ERICH6B: variants seen among roughly 807,000 people sequenced by gnomAD.
The protein encoded by ERICH6B is glutamate-rich protein 6B.
A neutral mutation model predicts 80.0 loss-of-function variants in ERICH6B; 69 were observed. The ratio of observed to expected loss-of-function variants is 0.86; its 90% CI spans 0.71 to 1.05. ERICH6B has a LOEUF of 1.05. ERICH6B is among the 50% of genes least tolerant of loss of function. ERICH6B has a pLI of 0.00. For missense variants in ERICH6B, 754 were observed against 796.1 expected, an observed-to-expected ratio of 0.95 and a Z score of 0.64; for synonymous variants, 283 against 291.9, an observed-to-expected ratio of 0.97 and a Z score of 0.31.
chr13:45,575,691 A>G (rs1485408248), intron 7 of ERICH6B, among the ~76,000 whole-genome samples: 1 of 152,142 alleles, frequency 6.6e-6, no homozygotes, highest in Non-Finnish European at 1.5e-5. Flanking sequence ...AGTGAGTTGG[A>G]TGGAGAATGT....
intron 2 of ERICH6B, 132 bp from the exon 3 acceptor site, chr13:45,597,195 G>C (rs1876435623): frequency 1.3e-5 from 8 of 604,766 alleles, no homozygotes; most frequent in Non-Finnish European, 1.9e-5. Flanking sequence ...TCAGTACATA[G>C]AGGCCAGTGA....
chr13:45,584,668 G>A (rs763189198), intron 5 of ERICH6B, among the ~76,000 whole-genome samples: 1 of 152,184 alleles, frequency 6.6e-6, no homozygotes, highest in African/African-American at 2.4e-5. Flanking sequence ...TGGTGACAGG[G>A]ACACCCAGTT....
intron 13 of ERICH6B, among the ~76,000 whole-genome samples, chr13:45,546,466 T>C (rs887748520): frequency 6.6e-6 from 1 of 152,206 alleles, no homozygotes; most frequent in Non-Finnish European, 1.5e-5. Context: ...TCTAGAAATA[T>C]CTATTCACTG....
chr13:45,544,650 T>C, intron 14 of ERICH6B, 110 bp downstream of exon 14: 1 of 861,026 alleles, frequency 1.2e-6, no homozygotes, highest in East Asian at 2.7e-5. Context: ...CGGGTTGGCA[T>C]ATATAGAACA....
chr13:45,597,277 G>A (rs1876438613), intron 2 of ERICH6B, among the ~76,000 whole-genome samples: 1 of 152,164 alleles, frequency 6.6e-6, no homozygotes, highest in African/African-American at 2.4e-5. Context: ...CTAAAGACCA[G>A]GCCTTTGAAA....
intron 3 of ERICH6B, among the ~76,000 whole-genome samples, chr13:45,593,018 A>G (rs941017188): frequency 6.6e-6 from 1 of 152,212 alleles, no homozygotes; most frequent in Non-Finnish European, 1.5e-5. Flanking sequence ...ACACCACAGC[A>G]CTCACACCCA....
chr13:45,613,684 A>C (rs1188929067), intron 1 of ERICH6B, among the ~76,000 whole-genome samples: 1 of 152,272 alleles, frequency 6.6e-6, no homozygotes, highest in East Asian at 1.9e-4. Context: ...AGAAAGCATC[A>C]GTCTGAGAGG....
chr13:45,563,827 A>C, intron 9 of ERICH6B, 39 bp from the exon 10 acceptor site: 1 of 1,494,824 alleles, frequency 6.7e-7, no homozygotes. Flanking sequence ...GCCAAGACTA[A>C]GTTCACGCAT....
At chr13:45,584,734 C>A (rs962012618) in intron 5 of ERICH6B, among the ~76,000 whole-genome samples, 2 of 152,182 alleles carry the variant, frequency 1.3e-5, no homozygotes, top group Non-Finnish European at 1.5e-5. Flanking sequence ...CTGACTCCTG[C>A]GGGCCTCAGC....
chr13:45,605,274 A>G (rs1159286687), intron 2 of ERICH6B, among the ~76,000 whole-genome samples: 1 of 152,206 alleles, frequency 6.6e-6, no homozygotes, highest in Non-Finnish European at 1.5e-5. Flanking sequence ...TCTGCCCAGC[A>G]TCAATATCAC....
At chr13:45,593,326 G>A (rs945182707) in intron 3 of ERICH6B, among the ~76,000 whole-genome samples, 10 of 152,086 alleles carry the variant, frequency 6.6e-5, no homozygotes, top group Admixed American at 5.2e-4. Context: ...TCATCTTTTG[G>A]TTATGTCCAT....
chr13:45,585,219 C>A (rs1875850362), intron 5 of ERICH6B, among the ~76,000 whole-genome samples: 1 of 152,172 alleles, frequency 6.6e-6, no homozygotes, highest in Non-Finnish European at 1.5e-5. Context: ...CTCAGCAGGG[C>A]TCACAGGACC....
intron 11 of ERICH6B, among the ~76,000 whole-genome samples, chr13:45,559,835 G>T (rs1283309647): frequency 1.3e-5 from 2 of 152,186 alleles, no homozygotes; most frequent in African/African-American, 4.8e-5. Context: ...CTTGGAGAAA[G>T]TTCCATGCAC....
Position 45,563,093 on chromosome 13 carries a change from C to T in ERICH6B, c.1249+634G>A, listed in dbSNP as rs148595395. On this transcript the variant is annotated intron_variant, in intron 10 of 14. Coordinates refer to ENST00000298738, the MANE Select transcript of ERICH6B (RefSeq NM_182542.3). ...CACTGAAGCCTTCCATGATTAGATC[C>T]ATGAAGCTGGTAACTTCCATGATTT... 2.8e-4 allele frequency among the ~76,000 whole-genome samples: 42 copies of T among 152,270 alleles called. No homozygotes were observed. In the East Asian group the frequency reaches 5.6e-3, roughly 20 times the overall value.
intron 4 of ERICH6B, among the ~76,000 whole-genome samples, chr13:45,589,641 C>A (rs1876075130): frequency 6.6e-6 from 1 of 152,208 alleles, no homozygotes; most frequent in Non-Finnish European, 1.5e-5. Context: ...GGTGGAGGAG[C>A]TGAGTTTCAA....
chr13:45,563,623 A>G lies in ERICH6B; in HGVS notation c.1249+104T>C, dbSNP rs536809596. The G allele has an allele frequency of 9.4e-5, 100 of 1,065,210 alleles. 1 individual carries two copies. The South Asian group carries it at 1.3e-3, about 14-fold the overall frequency. The allele number at this position is 1,065,210 out of a possible 1,614,324, so 66.0% of individuals were successfully genotyped here. A position where few individuals can be genotyped will look rare whatever the true frequency, so the allele number is the denominator to read the frequency against. On this transcript the variant is annotated intron_variant, in intron 10 of 14. Transcript: ENST00000298738. ...AGCCCTGTAGGCACTGAAGTGAGTG[A>G]ATGAGCCCTTCCACCTTCTTTACAG...
chr13:45,588,836 GC>G (rs1301022471), intron 4 of ERICH6B, among the ~76,000 whole-genome samples: 1 of 152,186 alleles, frequency 6.6e-6, no homozygotes, highest in African/African-American at 2.4e-5. Flanking sequence ...CTGAACACTA[GC>G]CCTGTGTTAT....
intron 11 of ERICH6B, among the ~76,000 whole-genome samples, chr13:45,558,770 C>T (rs1028312639): frequency 6.6e-6 from 1 of 152,146 alleles, no homozygotes; most frequent in African/African-American, 2.4e-5. Context: ...TCCTGCATCC[C>T]TGGTATGAAA....
Position 45,568,217 on chromosome 13 carries a change from G to T in ERICH6B, c.1187+98C>A, listed in dbSNP as rs1027619740. ...CAGGGAACCTGTCTGGTCCTGACTT[G>T]CTCTTTTTTGTTGATGGCTCAGTTT... On this transcript the variant is annotated intron_variant, in intron 9 of 14. Coordinates refer to ENST00000298738, the MANE Select transcript of ERICH6B (RefSeq NM_182542.3). 681 of 1,326,312 alleles carry T rather than the reference G, an allele frequency of 5.1e-4. 1 individual carries two copies. Among genetic ancestry groups the T allele is most frequent in the Non-Finnish European group, 6.2e-4 (617 of 1,002,454 alleles). The allele number at this position is 1,326,312 out of a possible 1,614,324, so 82.2% of individuals were successfully genotyped here. A position where few individuals can be genotyped will look rare whatever the true frequency, so the allele number is the denominator to read the frequency against.
Sources: gnomAD v4.1 joint callset for allele counts (sites outside exome capture counted in the v4.1 genomes callset) on GRCh38, gnomAD v4.1.1 for gene constraint, MANE v1.5 for transcripts, NCBI Gene and HGNC (gene_info 2026-07-23, HGNC 2026-07-21) for gene names.